GOLGA8A: variants seen among roughly 807,000 people sequenced by gnomAD.
The protein encoded by GOLGA8A is golgin A8 family member A, also known as golgin subfamily A member 8A.
Under a neutral mutation model 22.1 loss-of-function variants are expected in GOLGA8A, and 3 were observed. The ratio of observed to expected loss-of-function variants is 0.14; its 90% CI spans 0.06 to 0.35. The LOEUF (loss-of-function observed/expected upper bound fraction) is 0.35, where lower values mean the gene tolerates loss of function less well. GOLGA8A is among the 10% of genes least tolerant of loss of function. The pLI, the probability that GOLGA8A is intolerant of heterozygous loss-of-function variation, is 1.00. For synonymous variants in GOLGA8A, 7 were observed against 91.7 expected (o/e 0.08, Z 5.28); for missense variants, 16 against 233.2 (o/e 0.07, Z 6.07).
At position 34,381,014 on chromosome 15, in the gene GOLGA8A, T is replaced by G. The variant is rs879303542; in HGVS notation, c.*397A>C. The G allele has an allele frequency of 2.9e-6, 1 of 348,742 alleles. No individual in the cohort carries two copies. The highest frequency in any genetic ancestry group is 4.4e-5 in the Admixed American group (1 of 22,550). The allele number at this position is 348,742 out of a possible 1,614,324, so 21.6% of individuals were successfully genotyped here. The stretch of plus-strand genomic sequence containing the variant: ...CATAGCAGAACATTAGCAAATTTTA[T>G]CTGAATTCTGTAATGGACATCCATG... On this transcript the variant is annotated 3_prime_UTR_variant, in exon 25 of 25. Coordinates refer to ENST00000359187, the MANE Select transcript of GOLGA8A (RefSeq NM_181077.5).
At chr15:34,387,594 CT>C in intron 11 of GOLGA8A, 80 of 2,314 alleles carry the variant, frequency 0.035, no homozygotes, top group East Asian at 0.5. Context: ...CCACGCCCGG[CT>C]TTTTTTTTTG....
At chr15:34,437,063 C>T (rs1222188431) in intron 1 of GOLGA8A, among the ~76,000 whole-genome samples, 1 of 148,680 alleles carries the variant, frequency 6.7e-6, no homozygotes, top group Non-Finnish European at 1.5e-5. Context: ...GCGGGCGGCC[C>T]CGCCAGACAG....
chr15:34,437,724 C>G lies in GOLGA8A; in HGVS notation c.-1538G>C. Among the ~76,000 whole-genome samples, 1 of 145,332 alleles carries G rather than the reference C, an allele frequency of 6.9e-6. No homozygotes were observed. Among genetic ancestry groups the G allele is most frequent in the Non-Finnish European group, 1.5e-5 (1 of 65,954 alleles). ...GCCGCCGTCCTCGCCGCGCCGCTGCCGGGTCTCTCCCGGGGGCTGAGCTCC... is the reference window on the plus strand; with the variant it reads ...GCCGCCGTCCTCGCCGCGCCGCTGCGGGGTCTCTCCCGGGGGCTGAGCTCC... On this transcript the variant is annotated 5_prime_UTR_variant, in exon 1 of 25. Coordinates refer to ENST00000359187, the MANE Select transcript of GOLGA8A (RefSeq NM_181077.5).
At chr15:34,409,623 C>CCATGG (rs1447995239) in intron 2 of GOLGA8A, 1 of 555,648 alleles carries the variant, frequency 1.8e-6, no homozygotes. Flanking sequence ...GAAGAGTCTA[C>CCATGG]CATGGCCCAC....
At chr15:34,433,103 T>A (rs1244974064) in intron 2 of GOLGA8A, among the ~76,000 whole-genome samples, 1 of 148,752 alleles carries the variant, frequency 6.7e-6, no homozygotes, top group Non-Finnish European at 1.5e-5. Flanking sequence ...CCAAATCCCA[T>A]CCTCTTTTCT....
Position 34,379,957 on chromosome 15 carries a change from C to T in GOLGA8A, c.*1454G>A, listed in dbSNP as rs1434275500. 3 of 152,634 alleles carry T rather than the reference C, an allele frequency of 2.0e-5. No homozygotes were observed. The highest frequency in any genetic ancestry group is 2.9e-5 in the Non-Finnish European group (2 of 68,046). 9.5% of individuals were successfully genotyped at this position (152,634 alleles called of 1,614,324 possible). A position where few individuals can be genotyped will look rare whatever the true frequency, so the allele number is the denominator to read the frequency against. Reference sequence around the variant, plus strand: ...TAAAGAAGTTTGTGAGGAAATACAACTCTGCGATCGTATAGACATGTTTCC... The same window carrying T: ...TAAAGAAGTTTGTGAGGAAATACAATTCTGCGATCGTATAGACATGTTTCC... On this transcript the variant is annotated 3_prime_UTR_variant, in exon 25 of 25. Coordinates refer to ENST00000359187, the MANE Select transcript of GOLGA8A (RefSeq NM_181077.5).
Position 34,431,291 on chromosome 15 carries a change from TTATATATATATATATATATACATA to T in GOLGA8A, c.-1123+4068_-1123+4091del, listed in dbSNP as rs1277079777. On this transcript the variant is annotated intron_variant, in intron 2 of 24. Coordinates refer to ENST00000359187, the MANE Select transcript of GOLGA8A (RefSeq NM_181077.5). ...GCCAAACCAACCAAATGAAAAAAAA[TTATATATATATATATATATACATA>T]TATATATATATATATATATATATAT... Among the ~76,000 whole-genome samples, 53 of 112,138 alleles carry T rather than the reference TTATATATATATATATATATACATA, an allele frequency of 4.7e-4. 3 individuals are homozygous for T. The highest frequency in any genetic ancestry group is 2.2e-3 in the Admixed American group (23 of 10,332). 73.6% of individuals were successfully genotyped at this position (112,138 alleles called of 152,430 possible).
intron 2 of GOLGA8A, among the ~76,000 whole-genome samples, chr15:34,433,228 G>C (rs58113298): frequency 0.059 from 8,813 of 148,988 alleles, 1,345 homozygotes; most frequent in African/African-American, 0.21. Flanking sequence ...GAGTGGCTGA[G>C]AGCCCTGGGA....
At position 34,379,927 on chromosome 15, in the gene GOLGA8A, C is replaced by G. The variant is rs146924494; in HGVS notation, c.*1484G>C. 3 of 152,744 alleles carry G rather than the reference C, an allele frequency of 2.0e-5. No individual in the cohort carries two copies. The East Asian group carries it at 5.8e-4, about 29-fold the overall frequency. The allele number at this position is 152,744 out of a possible 1,614,324, so 9.5% of individuals were successfully genotyped here. On this transcript the variant is annotated 3_prime_UTR_variant, in exon 25 of 25. Coordinates refer to ENST00000359187, the MANE Select transcript of GOLGA8A (RefSeq NM_181077.5). Reference sequence around the variant, plus strand: ...GAGAGGTACAAAAACGTATTTCACTCTTCGTAAAGAAGTTTGTGAGGAAAT... The same window carrying G: ...GAGAGGTACAAAAACGTATTTCACTGTTCGTAAAGAAGTTTGTGAGGAAAT...
In GOLGA8A at chr15:34,437,428, CCGCCGTCCT is replaced by C. The variant is rs1196800802; in HGVS notation, c.-1251_-1243del. 1 of 139,924 alleles carries C rather than the reference CCGCCGTCCT, an allele frequency of 7.1e-6. No homozygotes were observed. Among genetic ancestry groups the C allele is most frequent in the Non-Finnish European group, 1.6e-5 (1 of 63,276 alleles). The allele number at this position is 139,924 out of a possible 1,614,324, so 8.7% of individuals were successfully genotyped here. A position where few individuals can be genotyped will look rare whatever the true frequency, so the allele number is the denominator to read the frequency against. ...CAGGGCGCGGGGCTGCCCCGGTCCG[CCGCCGTCCT>C]CGCCGCGCCGCCGTCCTCGCCGCGC... On this transcript the variant is annotated 5_prime_UTR_variant, in exon 1 of 25. Coordinates refer to ENST00000359187, the MANE Select transcript of GOLGA8A (RefSeq NM_181077.5).
intron 2 of GOLGA8A, among the ~76,000 whole-genome samples, chr15:34,432,122 C>T (rs1349425924): frequency 6.7e-6 from 1 of 149,158 alleles, no homozygotes; most frequent in East Asian, 2.0e-4. Flanking sequence ...GCTTCAAGTG[C>T]AAAATGGAAA....
At chr15:34,434,784 C>G (rs367973428) in intron 2 of GOLGA8A, among the ~76,000 whole-genome samples, 10 of 149,672 alleles carry the variant, frequency 6.7e-5, no homozygotes, top group African/African-American at 2.5e-4. Context: ...TCACCAGGGA[C>G]TACCTTACAC....
At chr15:34,405,653 TG>T (rs1353982188) in intron 4 of GOLGA8A, among the ~76,000 whole-genome samples, 141 of 140,870 alleles carry the variant, frequency 1.0e-3, no homozygotes, top group African/African-American at 3.4e-3. Flanking sequence ...CACAGTTAGG[TG>T]GGAGCTCTTG....
intron 2 of GOLGA8A, among the ~76,000 whole-genome samples, chr15:34,427,557 G>A (rs998288813): frequency 6.7e-6 from 1 of 148,220 alleles, no homozygotes. Flanking sequence ...GGAGGACAAA[G>A]ATCCTCCTGG....
In GOLGA8A at chr15:34,428,810, T is replaced by G. The variant is rs1280289095; in HGVS notation, c.-1123+6573A>C. On this transcript the variant is annotated intron_variant, in intron 2 of 24. Coordinates refer to ENST00000359187, the MANE Select transcript of GOLGA8A (RefSeq NM_181077.5). ...GACCCCACCCTGCTGCAGAGGCCTCTGCAGCCCATCACCCTGCAGCGCTGC... is the reference window on the plus strand; with the variant it reads ...GACCCCACCCTGCTGCAGAGGCCTCGGCAGCCCATCACCCTGCAGCGCTGC... 4 of 145,426 alleles carry G rather than the reference T, an allele frequency of 2.8e-5. 1 individual carries two copies. The highest frequency in any genetic ancestry group is 5.1e-5 in the African/African-American group (2 of 38,970). The allele number at this position is 145,426 out of a possible 1,614,324, so 9.0% of individuals were successfully genotyped here.
intron 2 of GOLGA8A, among the ~76,000 whole-genome samples, chr15:34,434,724 C>A (rs1893418559): frequency 6.7e-6 from 1 of 149,434 alleles, no homozygotes; most frequent in Admixed American, 6.7e-5. Flanking sequence ...AGGCTGCCTC[C>A]TGGTGAGCAA....
At chr15:34,423,834 G>A (rs1892875032) in intron 2 of GOLGA8A, among the ~76,000 whole-genome samples, 1 of 149,342 alleles carries the variant, frequency 6.7e-6, no homozygotes, top group Non-Finnish European at 1.5e-5. Context: ...TTGAGAACCA[G>A]GGCTGTGCCC....
rs1393698752 is a variant in GOLGA8A at position 34,379,287 on chromosome 15, A to G, written c.*2124T>C. 1 of 152,604 alleles carries G rather than the reference A, an allele frequency of 6.6e-6. No homozygotes were observed. Among genetic ancestry groups the G allele is most frequent in the Non-Finnish European group, 1.5e-5 (1 of 68,040 alleles). The allele number at this position is 152,604 out of a possible 1,614,324, so 9.5% of individuals were successfully genotyped here. On this transcript the variant is annotated 3_prime_UTR_variant, in exon 25 of 25. Transcript: ENST00000359187. Reference sequence around the variant, plus strand: ...TCCTTCCCACCATTTCTTCCTTTTAAACTACAGGATTTATATTTTAAAATG... The same window carrying G: ...TCCTTCCCACCATTTCTTCCTTTTAGACTACAGGATTTATATTTTAAAATG...
chr15:34,420,889 T>C (rs900518720), intron 2 of GOLGA8A, among the ~76,000 whole-genome samples: 17 of 129,542 alleles, frequency 1.3e-4, no homozygotes, highest in Non-Finnish European at 2.3e-4. Flanking sequence ...TTGATGATCC[T>C]GAGGTTGATC....
Sources: gnomAD v4.1 joint callset for allele counts (sites outside exome capture counted in the v4.1 genomes callset) on GRCh38, gnomAD v4.1.1 for gene constraint, MANE v1.5 for transcripts, NCBI Gene and HGNC (gene_info 2026-07-23, HGNC 2026-07-21) for gene names.